NUPR2: variants seen among roughly 807,000 people sequenced by gnomAD.
NUPR2 encodes nuclear protein 2, transcriptional regulator, also known as nuclear protein 2.
In NUPR2, 14 loss-of-function variants were observed where a neutral mutation model predicts 7.3. The ratio of observed to expected loss-of-function variants is 1.93; its 90% confidence interval spans 1.27 to 3.01. The LOEUF is 3.01. Ranked by LOEUF, NUPR2 falls within the 30% of genes most tolerant of loss-of-function variation. NUPR2 has a pLI of 0.00. For missense variants in NUPR2, 162 were observed against 143.7 expected (o/e 1.13, Z -0.65); for synonymous variants, 56 against 59.7 (o/e 0.94, Z 0.29).
Position 56,116,138 on chromosome 7 carries a change from G to T in NUPR2, c.177C>A (p.Arg59=), listed in dbSNP as rs114506539. The change falls in exon 1 of 2, where the codon CGC becomes CGA. Residue 59 remains arginine (R), a synonymous_variant. Coordinates refer to ENST00000329309, the MANE Select transcript of NUPR2 (RefSeq NM_001145712.2). ...KGRTRREQAL[R]TNWPAPGGHE... is the part of the protein sequence containing the mutation. ...GCCCGCCAGGTGCAGGCCAGTTGGT[G>T]CGCAGCGCCTGCTCGCGCCGAGTCC... The T allele has an allele frequency of 1.3e-6, 2 of 1,546,254 alleles. No individual in the cohort carries two copies. Among genetic ancestry groups the T allele is most frequent in the Non-Finnish European group, 1.7e-6 (2 of 1,145,098 alleles).
intron 1 of NUPR2, among the ~76,000 whole-genome samples, chr7:56,115,624 T>TC: frequency 1.7e-5 from 1 of 58,332 alleles, no homozygotes; most frequent in East Asian, 4.5e-4. Context: ...CCTGGCTAAT[T>TC]TTATATATAT....
chr7:56,115,437 G>GATATA (rs1785530837), intron 1 of NUPR2, among the ~76,000 whole-genome samples: 1 of 14,598 alleles, frequency 6.9e-5, no homozygotes, highest in African/African-American at 3.8e-4. Context: ...ATTTGTGTGT[G>GATATA]TGTGTGTGTG....
chr7:56,115,332 TG>T (rs1248918149), intron 1 of NUPR2, among the ~76,000 whole-genome samples: 5 of 145,594 alleles, frequency 3.4e-5, no homozygotes, highest in Non-Finnish European at 7.5e-5. Context: ...TCACCCAGGC[TG>T]GAGAGCAGTG....
chr7:56,115,429 T>TATTTGTGTG (rs1554376538), intron 1 of NUPR2, among the ~76,000 whole-genome samples: 1 of 30,986 alleles, frequency 3.2e-5, no homozygotes, highest in Non-Finnish European at 5.4e-5. Flanking sequence ...ATATATATAT[T>TATTTGTGTG]TGTGTGTGTG....
intron 1 of NUPR2, among the ~76,000 whole-genome samples, chr7:56,115,418 T>TGTATATATATAC (rs1785525619): frequency 7.3e-5 from 3 of 41,102 alleles, no homozygotes; most frequent in African/African-American, 1.4e-4. Context: ...TATATATATA[T>TGTATATATATAC]ATATATATAT....
chr7:56,115,648 T>TATATA (rs1562892028), intron 1 of NUPR2, among the ~76,000 whole-genome samples: 7 of 128,324 alleles, frequency 5.5e-5, no homozygotes, highest in South Asian at 2.4e-4. Flanking sequence ...TATATATATA[T>TATATA]TTTAGTAGAG....
rs750930934 is a variant in NUPR2 at position 56,116,221 on chromosome 7, G to A, written c.94C>T (p.Leu32=). The A allele has an allele frequency of 2.6e-6, 4 of 1,547,800 alleles. No homozygotes were observed. The highest frequency in any genetic ancestry group is 3.3e-4 in the Middle Eastern group (2 of 5,982). ...AAGTCGCGCAGGTAGTAGTAGTCCAGGCAGTCGTAAAGCTCCTCCTCGTAG... is the reference window on the plus strand; with the variant it reads ...AAGTCGCGCAGGTAGTAGTAGTCCAAGCAGTCGTAAAGCTCCTCCTCGTAG... ...ISYEEELYDC[L]DYYYLRDFPA... Residue 32 remains leucine (L), a synonymous_variant, in exon 1 of 2, where the codon CTG becomes TTG. Coordinates refer to ENST00000329309, the MANE Select transcript of NUPR2 (RefSeq NM_001145712.2).
At chr7:56,115,412 TA>T (rs1785524183) in intron 1 of NUPR2, among the ~76,000 whole-genome samples, 1 of 41,072 alleles carries the variant, frequency 2.4e-5, no homozygotes, top group African/African-American at 1.5e-4. Context: ...TATATATATA[TA>T]TATATATATA....
Position 56,115,425 on chromosome 7 carries a change from ATATTTGTG to A in NUPR2, c.*7-536_*7-529del, listed in dbSNP as rs1240251744. 6.8e-5 allele frequency among the ~76,000 whole-genome samples: 3 copies of A among 44,220 alleles called. 1 individual carries two copies. The highest frequency in any genetic ancestry group is 1.2e-4 in the Non-Finnish European group (3 of 25,346). 29.0% of individuals were successfully genotyped at this position (44,220 alleles called of 152,430 possible). On this transcript the variant is annotated intron_variant, in intron 1 of 1. Coordinates refer to ENST00000329309, the MANE Select transcript of NUPR2 (RefSeq NM_001145712.2). ...TATATATATATATATATATATATAT[ATATTTGTG>A]TGTGTGTGTGTGTGTGTGTGTGTGT...
rs2115621919 is a variant in NUPR2, at chr7:56,116,206, G to A, written c.109C>T (p.Leu37=). The A allele has an allele frequency of 6.5e-7, 1 of 1,548,732 alleles. No homozygotes were observed. The highest frequency in any genetic ancestry group is 1.4e-5 in the African/African-American group (1 of 72,494). ...ELYDCLDYYY[L]RDFPACGAGR... is the part of the protein sequence containing the mutation. ...GCCCCGCAGGCCGGGAAGTCGCGCA[G>A]GTAGTAGTAGTCCAGGCAGTCGTAA... The change falls in exon 1 of 2, where the codon CTG becomes TTG. Residue 37 remains leucine, a synonymous_variant. Coordinates refer to ENST00000329309, the MANE Select transcript of NUPR2 (RefSeq NM_001145712.2).
rs1306832660 is a variant in NUPR2 at position 56,115,435 on chromosome 7, G to GTATATA, written c.*7-539_*7-538insTATATA. Among the ~76,000 whole-genome samples the GTATATA allele has an allele frequency of 5.6e-4, 18 of 32,256 alleles. 3 individuals are homozygous for GTATATA. The highest frequency in any genetic ancestry group is 2.8e-3 in the African/African-American group (18 of 6,472). The allele number at this position is 32,256 out of a possible 152,430, so 21.2% of individuals were successfully genotyped here. On this transcript the variant is annotated intron_variant, in intron 1 of 1. Coordinates refer to ENST00000329309, the MANE Select transcript of NUPR2 (RefSeq NM_001145712.2). ...TATATATATATATATATATTTGTGT[G>GTATATA]TGTGTGTGTGTGTGTGTGTGTGTGT...
chr7:56,115,948 C>G, intron 1 of NUPR2, 67 bp downstream of exon 1: 1 of 1,331,228 alleles, frequency 7.5e-7, no homozygotes, highest in South Asian at 1.6e-5. Flanking sequence ...CGAGCAGCGC[C>G]GCGCCGTGGG....
chr7:56,115,394 CATATATATATAT>C lies in NUPR2; in HGVS notation c.*7-509_*7-498del, dbSNP rs1201360215. On this transcript the variant is annotated intron_variant, in intron 1 of 1. Transcript: ENST00000329309. ...AACCTCAGCCTCCCGGGCTCGATCG[CATATATATATAT>C]ATATATATATATATATATATATTTG... 1.2e-3 allele frequency among the ~76,000 whole-genome samples: 38 copies of C among 30,736 alleles called. 6 individuals carry two copies. Among genetic ancestry groups the C allele is most frequent in the Non-Finnish European group, 2.0e-3 (37 of 18,938 alleles). The allele number at this position is 30,736 out of a possible 152,430, so 20.2% of individuals were successfully genotyped here.
intron 1 of NUPR2, among the ~76,000 whole-genome samples, chr7:56,115,429 T>TTTG (rs1554376539): frequency 1.3e-3 from 39 of 30,978 alleles, no homozygotes; most frequent in Non-Finnish European, 1.8e-3. Context: ...ATATATATAT[T>TTTG]TGTGTGTGTG....
At chr7:56,115,978 CG>C in intron 1 of NUPR2, 36 bp downstream of exon 1, 2 of 1,414,184 alleles carry the variant, frequency 1.4e-6, no homozygotes, top group Non-Finnish European at 1.8e-6. Context: ...CTAGGGTCCC[CG>C]GGGCACTGGT....
In NUPR2 at chr7:56,116,074, G is replaced by T. The variant is rs1388893696; in HGVS notation, c.241C>A (p.Arg81Ser). The change falls in exon 1 of 2, where the codon CGC (arginine) becomes AGC (serine). Residue 81 changes from arginine to serine, a missense_variant. By Grantham distance (110) the Arg-to-Ser change is moderately radical (BLOSUM62 -1). Transcript: ENST00000329309. ...KVAQKLLNGQ[R>S]KRRQRQLHPK... Reference sequence around the variant, plus strand: ...TGCAGCTGGCGCTGGCGGCGCTTGCGCTGGCCATTGAGGAGCTTCTGCGCG... The same window carrying T: ...TGCAGCTGGCGCTGGCGGCGCTTGCTCTGGCCATTGAGGAGCTTCTGCGCG... 1.3e-6 allele frequency: 2 copies of T among 1,516,682 alleles called. No individual in the cohort carries two copies. Among genetic ancestry groups the T allele is most frequent in the African/African-American group, 2.9e-5 (2 of 70,004 alleles). The allele number at this position is 1,516,682 out of a possible 1,614,324, so 94.0% of individuals were successfully genotyped here. A position where few individuals can be genotyped will look rare whatever the true frequency, so the allele number is the denominator to read the frequency against.
chr7:56,116,048 A>C lies in NUPR2; in HGVS notation c.267T>G (p.His89Gln). The change falls in exon 1 of 2, where the codon CAT (histidine) becomes CAG (glutamine). Residue 89 changes from histidine to glutamine, a missense_variant. His to Gln is a conservative substitution (Grantham distance 24). Coordinates refer to ENST00000329309, the MANE Select transcript of NUPR2 (RefSeq NM_001145712.2). The stretch of plus-strand genomic sequence containing the variant: ...AGGTGAGGCGAGTGCGCATCTTGGG[A>C]TGCAGCTGGCGCTGGCGGCGCTTGC... ...GQRKRRQRQL[H>Q]PKMRTRLT is the part of the protein sequence containing the mutation. 6.7e-7 allele frequency: 1 copy of C among 1,492,940 alleles called. No homozygotes were observed. Among genetic ancestry groups the C allele is most frequent in the African/African-American group, 1.4e-5 (1 of 69,190 alleles). The allele number at this position is 1,492,940 out of a possible 1,614,324, so 92.5% of individuals were successfully genotyped here.
Position 56,115,408 on chromosome 7 carries a change from T to C in NUPR2, c.*7-511A>G, listed in dbSNP as rs1217332203. ...GGGCTCGATCGCATATATATATATATATATATATATATATATATATTTGTG... is the reference window on the plus strand; with the variant it reads ...GGGCTCGATCGCATATATATATATACATATATATATATATATATATTTGTG... On this transcript the variant is annotated intron_variant, in intron 1 of 1. Coordinates refer to ENST00000329309, the MANE Select transcript of NUPR2 (RefSeq NM_001145712.2). Among the ~76,000 whole-genome samples, 6 of 37,884 alleles carry C rather than the reference T, an allele frequency of 1.6e-4. 3 individuals are homozygous for C. Among genetic ancestry groups the C allele is most frequent in the African/African-American group, 3.5e-4 (2 of 5,652 alleles). 24.9% of individuals were successfully genotyped at this position (37,884 alleles called of 152,430 possible).
chr7:56,115,418 T>TATATAC (rs1785525718), intron 1 of NUPR2, among the ~76,000 whole-genome samples: 4 of 41,092 alleles, frequency 9.7e-5, no homozygotes, highest in Non-Finnish European at 1.3e-4. Flanking sequence ...TATATATATA[T>TATATAC]ATATATATAT....
Sources: gnomAD v4.1 joint callset for allele counts (sites outside exome capture counted in the v4.1 genomes callset) on GRCh38, gnomAD v4.1.1 for gene constraint, MANE v1.5 for transcripts, NCBI Gene and HGNC (gene_info 2026-07-23, HGNC 2026-07-21) for gene names.